The following BORCS7 variants were observed in gnomAD, a reference collection of about 807,000 sequenced individuals.
BORCS7 encodes BLOC-1 related complex subunit 7.
In BORCS7, 20 loss-of-function variants were observed where a neutral mutation model predicts 17.5. The ratio of observed to expected loss-of-function variants is 1.14; its 90% CI spans 0.80 to 1.66. The LOEUF is 1.66. Among genes scored for constraint, BORCS7 ranks in the 40% most tolerant of loss-of-function variants. BORCS7 has a pLI of 0.00. For synonymous variants in BORCS7, 57 were observed against 49.8 expected, an observed-to-expected ratio of 1.14 and a Z score of -0.61; for missense variants, 122 against 129.7, an observed-to-expected ratio of 0.94 and a Z score of 0.29.
intron 1 of BORCS7, among the ~76,000 whole-genome samples, chr10:102,854,990 A>T (rs1004899020): frequency 1.4e-5 from 2 of 147,588 alleles, no homozygotes; most frequent in Non-Finnish European, 3.0e-5. Flanking sequence ...TATATATTAT[A>T]TATATTTTCA....
At chr10:102,858,085 A>G (rs751995637) in intron 1 of BORCS7, among the ~76,000 whole-genome samples, 1 of 151,020 alleles carries the variant, frequency 6.6e-6, no homozygotes, top group African/African-American at 2.4e-5. Flanking sequence ...GGATCACCTG[A>G]GTCCGGGAGG....
intron 1 of BORCS7, among the ~76,000 whole-genome samples, chr10:102,854,940 C>CATATATAATATACATATATATT (rs1166205523): frequency 2.8e-5 from 4 of 145,174 alleles, no homozygotes; most frequent in Non-Finnish European, 6.0e-5. Flanking sequence ...GTATATATTA[C>CATATATAATATACATATATATT]ATATATAATA....
intron 1 of BORCS7, among the ~76,000 whole-genome samples, chr10:102,855,425 G>A (rs1844410877): frequency 6.6e-6 from 1 of 151,982 alleles, no homozygotes; most frequent in Non-Finnish European, 1.5e-5. Flanking sequence ...CAAAGTGCTG[G>A]GATTACAGGC....
At chr10:102,855,831 G>GTTCCTCT (rs1296299459) in intron 1 of BORCS7, among the ~76,000 whole-genome samples, 2 of 152,124 alleles carry the variant, frequency 1.3e-5, no homozygotes, top group African/African-American at 4.8e-5. Flanking sequence ...CCCGATCTCG[G>GTTCCTCT]GCTCACTGCA....
chr10:102,860,004 C>G (rs532269604), intron 1 of BORCS7, among the ~76,000 whole-genome samples: 2 of 152,138 alleles, frequency 1.3e-5, no homozygotes, highest in Non-Finnish European at 2.9e-5. Flanking sequence ...TCTCACTGGA[C>G]TTGTGGAGCC....
rs1008643445 is a variant in BORCS7, at chr10:102,864,734, G to T, written c.*1810G>T. 2.6e-5 allele frequency: 4 copies of T among 152,080 alleles called. No individual in the cohort carries two copies. Among genetic ancestry groups the T allele is most frequent in the Non-Finnish European group, 5.9e-5 (4 of 67,984 alleles). The allele number at this position is 152,080 out of a possible 1,614,324, so 9.4% of individuals were successfully genotyped here. ...CAGAAATGTTAGAACAGGTGGAAAT[G>T]TATACATTATTTGATGGTTTGTTTT... On this transcript the variant is annotated 3_prime_UTR_variant, in exon 5 of 5. Transcript: ENST00000339834.
intron 3 of BORCS7, among the ~76,000 whole-genome samples, chr10:102,861,164 C>A (rs893171306): frequency 2.6e-5 from 4 of 152,116 alleles, no homozygotes; most frequent in African/African-American, 9.7e-5. Flanking sequence ...CCTGTAATCC[C>A]AGCACTTTGG....
rs780743159 is a variant in BORCS7 at position 102,860,398 on chromosome 10, A to T, written c.204+4A>T. On this transcript the variant is annotated splice_donor_region_variant and intron_variant, in intron 2 of 4. Transcript: ENST00000339834. ...TGCCATCTTGCACTCAGAAGATGTA[A>T]GAAACAACTTTTTTTTTTAATGATT... 1.9e-6 allele frequency: 3 copies of T among 1,613,966 alleles called. No individual in the cohort carries two copies. The Admixed American group carries it at 5.0e-5, about 27-fold the overall frequency.
chr10:102,862,307 G>GGATAC (rs1327592070), intron 4 of BORCS7, 127 bp downstream of exon 4: 4 of 846,624 alleles, frequency 4.7e-6, no homozygotes, highest in Non-Finnish European at 7.5e-6. Flanking sequence ...ATATGCTCTG[G>GGATAC]GATACTCACT....
rs201496956 is a variant in BORCS7, at chr10:102,862,887, C to A, written c.284C>A (p.Ser95Ter). 2 of 1,609,008 alleles carry A rather than the reference C, an allele frequency of 1.2e-6. No homozygotes were observed. Among genetic ancestry groups the A allele is most frequent in the Non-Finnish European group, 8.5e-7 (1 of 1,175,366 alleles). ...EAIQKNVEQSSDLQDQLNHLL... is the reference protein window; with the variant it reads ...EAIQKNVEQS ...CTAATTCCTAGTGTTGAACAGTCATCGGATCTACAGGACCAGTTGAATCAT... is the reference window on the plus strand; with the variant it reads ...CTAATTCCTAGTGTTGAACAGTCATAGGATCTACAGGACCAGTTGAATCAT... The change falls in exon 5 of 5, where the codon TCG becomes TAG. Residue 95 changes from serine (S) to a stop codon, truncating the protein, a stop_gained. Coordinates refer to ENST00000339834, the MANE Select transcript of BORCS7 (RefSeq NM_001136200.2). LOFTEE classifies it high-confidence loss of function.
At chr10:102,855,445 C>T (rs1179062792) in intron 1 of BORCS7, among the ~76,000 whole-genome samples, 2 of 152,028 alleles carry the variant, frequency 1.3e-5, no homozygotes, top group Non-Finnish European at 2.9e-5. Context: ...CGTGAGCCAC[C>T]GCTCCTGGCA....
At chr10:102,859,906 T>C (rs2134099111) in intron 1 of BORCS7, among the ~76,000 whole-genome samples, 1 of 152,252 alleles carries the variant, frequency 6.6e-6, no homozygotes, top group South Asian at 2.1e-4. Flanking sequence ...CTCTGTCCTT[T>C]TCAGCCCCAT....
Position 102,854,270 on chromosome 10 carries a change from A to G in BORCS7, c.-17A>G. 1 of 1,604,042 alleles carries G rather than the reference A, an allele frequency of 6.2e-7. No homozygotes were observed. Among genetic ancestry groups the G allele is most frequent in the Non-Finnish European group, 8.5e-7 (1 of 1,175,384 alleles). On this transcript the variant is annotated 5_prime_UTR_variant, in exon 1 of 5. Transcript: ENST00000339834. ...GGCGACTCACCATCGTCAGTGCGCAACCGTTCGCTAACTGAAATGATGGCG... is the reference window on the plus strand; with the variant it reads ...GGCGACTCACCATCGTCAGTGCGCAGCCGTTCGCTAACTGAAATGATGGCG...
Position 102,854,296 on chromosome 10 carries a change from A to T in BORCS7, c.10A>T (p.Thr4Ser). 1 of 1,605,936 alleles carries T rather than the reference A, an allele frequency of 6.2e-7. No individual in the cohort carries two copies. Among genetic ancestry groups the T allele is most frequent in the Non-Finnish European group, 8.5e-7 (1 of 1,176,426 alleles). MMA[T>S]GTPESQARFG... is the part of the protein sequence containing the mutation. ...CCGTTCGCTAACTGAAATGATGGCG[A>T]CTGGAACGCCAGAGTCTCAAGCGCG... is the stretch of plus-strand genomic sequence containing the variant. Residue 4 changes from threonine (T) to serine (S), a missense_variant, in exon 1 of 5, where the codon ACT (threonine) becomes TCT (serine). Coordinates refer to ENST00000339834, the MANE Select transcript of BORCS7 (RefSeq NM_001136200.2).
intron 3 of BORCS7, 193 bp downstream of exon 3, chr10:102,860,734 G>C: frequency 1.6e-6 from 1 of 632,882 alleles, no homozygotes; most frequent in South Asian, 1.9e-5. Flanking sequence ...TGAGAATCAG[G>C]AGCAGAGTCC....
intron 1 of BORCS7, among the ~76,000 whole-genome samples, chr10:102,855,908 C>T (rs1227030065): frequency 6.6e-6 from 1 of 152,072 alleles, no homozygotes; most frequent in Non-Finnish European, 1.5e-5. Context: ...ATTATAGGCG[C>T]CTGCCACCAC....
intron 1 of BORCS7, among the ~76,000 whole-genome samples, chr10:102,854,953 C>CATAATATATATTATATATAATATATGTA (rs1239704174): frequency 1.4e-5 from 2 of 145,392 alleles, no homozygotes; most frequent in East Asian, 2.0e-4. Flanking sequence ...ATATAATATA[C>CATAATATATATTATATATAATATATGTA]ATATATATTA....
intron 4 of BORCS7, 64 bp downstream of exon 4, chr10:102,862,244 G>T: frequency 6.7e-7 from 1 of 1,493,706 alleles, no homozygotes; most frequent in South Asian, 1.1e-5. Context: ...GATTTATACT[G>T]CTGGGTCCAG....
chr10:102,861,601 C>G (rs1263434801), intron 3 of BORCS7, among the ~76,000 whole-genome samples: 1 of 151,980 alleles, frequency 6.6e-6, no homozygotes, highest in African/African-American at 2.4e-5. Context: ...CCTGTAATCC[C>G]AGCTACTCGG....
Sources: allele counts gnomAD v4.1 joint callset (sites outside exome capture counted in the v4.1 genomes callset), GRCh38; gene constraint gnomAD v4.1.1; transcripts MANE v1.5; gene names NCBI Gene and HGNC (gene_info 2026-07-23, HGNC 2026-07-21).